The following CCNY variants were observed in gnomAD, a reference collection of about 807,000 sequenced individuals.
CCNY encodes cyclin Y.
A neutral mutation model predicts 42.8 loss-of-function variants in CCNY; 19 were observed. The ratio of observed to expected loss-of-function variants is 0.44; its 90% CI spans 0.31 to 0.65. The LOEUF is 0.65. Among genes scored for constraint, CCNY ranks in the 30% least tolerant of loss-of-function variants. CCNY has a pLI of 0.07. For missense variants in CCNY, 370 were observed against 437.3 expected, an observed-to-expected ratio of 0.85 and a Z score of 1.37; for synonymous variants, 165 against 162.7, an observed-to-expected ratio of 1.01 and a Z score of -0.11.
At position 35,530,328 on chromosome 10, in the gene CCNY, G is replaced by C; in HGVS notation, c.579+85G>C. The C allele has an allele frequency of 1.3e-6, 2 of 1,552,446 alleles. No individual in the cohort carries two copies. The highest frequency in any genetic ancestry group is 1.8e-6 in the Non-Finnish European group (2 of 1,136,918). On this transcript the variant is annotated intron_variant, in intron 7 of 9. Transcript: ENST00000374704. This position sits in a 1 kb window ranked among gnomAD's most constrained non-coding sequence, Gnocchi z 4.3. The stretch of plus-strand genomic sequence containing the variant: ...TGTTACTCAGCGGAGTGAGGTTGGA[G>C]CAGGGAATCCTCACCAGGTTACCCT...
intron 1 of CCNY, among the ~76,000 whole-genome samples, chr10:35,474,191 A>G (rs2135349962): frequency 6.6e-6 from 1 of 152,280 alleles, no homozygotes; most frequent in East Asian, 1.9e-4. Context: ...TCTGAGATCA[A>G]ACTGCAAGGC....
At chr10:35,387,210 AC>A (rs1256858099) in intron 1 of CCNY, among the ~76,000 whole-genome samples, 1 of 152,144 alleles carries the variant, frequency 6.6e-6, no homozygotes, top group African/African-American at 2.4e-5. Flanking sequence ...AAACACCAAA[AC>A]TTATGATTGA....
At chr10:35,493,195 T>C (rs1839937121) in intron 2 of CCNY, among the ~76,000 whole-genome samples, 2 of 152,316 alleles carry the variant, frequency 1.3e-5, no homozygotes, top group South Asian at 4.1e-4. Context: ...GTCAGTTTTC[T>C]CCGTACCTTT....
chr10:35,491,045 G>A (rs1839884971), intron 2 of CCNY, among the ~76,000 whole-genome samples: 1 of 152,162 alleles, frequency 6.6e-6, no homozygotes, highest in African/African-American at 2.4e-5. Context: ...GGGGTGTGTG[G>A]AGGAGGGTGG....
At chr10:35,266,203 G>A (rs1471845137) in intron 3 of CCNY, among the ~76,000 whole-genome samples, 1 of 150,092 alleles carries the variant, frequency 6.7e-6, no homozygotes. Context: ...TCAGCCTCCC[G>A]AGTAGCTGGG....
chr10:35,405,232 C>A (rs1401326097), intron 1 of CCNY, among the ~76,000 whole-genome samples: 2 of 152,090 alleles, frequency 1.3e-5, no homozygotes, highest in Non-Finnish European at 2.9e-5. Flanking sequence ...GGTTTTAATC[C>A]TTTTAAAGCA....
chr10:35,553,432 A>G (rs1841301227), intron 8 of CCNY, among the ~76,000 whole-genome samples: 1 of 152,160 alleles, frequency 6.6e-6, no homozygotes, highest in Admixed American at 6.5e-5. Flanking sequence ...GTTTACAGAA[A>G]CTATATTGTA....
At chr10:35,268,300 G>A (rs2095727699) in intron 3 of CCNY, among the ~76,000 whole-genome samples, 1 of 152,144 alleles carries the variant, frequency 6.6e-6, no homozygotes, top group Non-Finnish European at 1.5e-5. Flanking sequence ...GGTCACTTGA[G>A]GTCAGGAGTT....
intron 3 of CCNY, among the ~76,000 whole-genome samples, chr10:35,258,917 CAG>C (rs1239132390): frequency 1.4e-5 from 2 of 142,002 alleles, no homozygotes; most frequent in African/African-American, 2.7e-5. Flanking sequence ...GCCTGGGTGA[CAG>C]AGAGAGACTG....
At chr10:35,447,276 A>G (rs1838813904) in intron 1 of CCNY, among the ~76,000 whole-genome samples, 1 of 152,218 alleles carries the variant, frequency 6.6e-6, no homozygotes, top group South Asian at 2.1e-4. Flanking sequence ...GACTCCATCT[A>G]AGAAAGCTGG....
chr10:35,412,729 C>T (rs1265667020), intron 1 of CCNY, among the ~76,000 whole-genome samples: 3 of 150,300 alleles, frequency 2.0e-5, no homozygotes, highest in Admixed American at 6.6e-5. Context: ...GGTGTGGCAG[C>T]GTGTTCCTGT....
chr10:35,431,032 G>A (rs988632083), intron 1 of CCNY, among the ~76,000 whole-genome samples: 1 of 151,360 alleles, frequency 6.6e-6, no homozygotes, highest in Non-Finnish European at 1.5e-5. Flanking sequence ...TAGGAGAATC[G>A]CTTGAACCTG....
intron 1 of CCNY, among the ~76,000 whole-genome samples, chr10:35,406,205 ATTTAT>A (rs1202162653): frequency 1.9e-5 from 2 of 104,420 alleles, no homozygotes; most frequent in Non-Finnish European, 3.8e-5. Context: ...TTTTTATTTT[ATTTAT>A]TTATTTATTT....
chr10:35,284,722 C>A (rs1395260157), intron 3 of CCNY, among the ~76,000 whole-genome samples: 1 of 151,862 alleles, frequency 6.6e-6, no homozygotes, highest in African/African-American at 2.4e-5. Context: ...GATTTAAGAC[C>A]TTTTTCTTTT....
rs939773265 is a variant in CCNY, at chr10:35,538,654, GT to G, written c.579+8413del. Among the ~76,000 whole-genome samples the G allele has an allele frequency of 1.4e-4, 21 of 152,184 alleles. 1 individual carries two copies. The highest frequency in any genetic ancestry group is 4.8e-4 in the African/African-American group (20 of 41,440). ...CATTCTTTGCCCATTTTAAGAACGG[GT>G]TGTCTTTTAGTTGTTGCATTATAGG... is the stretch of plus-strand genomic sequence containing the variant. On this transcript the variant is annotated intron_variant, in intron 7 of 9. Coordinates refer to ENST00000374704, the MANE Select transcript of CCNY (RefSeq NM_145012.6).
In CCNY at chr10:35,501,633, G is replaced by T. The variant is rs1840112429; in HGVS notation, c.264+98G>T. On this transcript the variant is annotated intron_variant, in intron 3 of 9. Transcript: ENST00000374704. ...TGGATGAAAATGGCTCATGTGCTTT[G>T]TAGATACTTGGAAGAATGTTGCAGT... 3 of 1,028,720 alleles carry T rather than the reference G, an allele frequency of 2.9e-6. No homozygotes were observed. In the African/African-American group the frequency reaches 4.7e-5, roughly 16 times the overall value. The allele number at this position is 1,028,720 out of a possible 1,614,324, so 63.7% of individuals were successfully genotyped here. A position where few individuals can be genotyped will look rare whatever the true frequency, so the allele number is the denominator to read the frequency against.
intron 3 of CCNY, among the ~76,000 whole-genome samples, chr10:35,285,789 G>A (rs929892530): frequency 1.3e-5 from 2 of 149,022 alleles, no homozygotes; most frequent in African/African-American, 5.0e-5. Context: ...AAAAATTATG[G>A]ATGTGGTTGG....
At chr10:35,441,703 T>G (rs1375226239) in intron 1 of CCNY, among the ~76,000 whole-genome samples, 1 of 152,150 alleles carries the variant, frequency 6.6e-6, no homozygotes, top group Non-Finnish European at 1.5e-5. Flanking sequence ...GCTGAGATTG[T>G]GCCACTGCAC....
chr10:35,479,867 C>T (rs895049957), intron 1 of CCNY, among the ~76,000 whole-genome samples: 3 of 152,106 alleles, frequency 2.0e-5, no homozygotes, highest in African/African-American at 4.8e-5. Flanking sequence ...TTTCCTGACT[C>T]TGCAATGAGG....
Sources: allele counts gnomAD v4.1 joint callset (sites outside exome capture counted in the v4.1 genomes callset), GRCh38; gene constraint gnomAD v4.1.1; non-coding constraint Gnocchi (gnomAD v3.1); transcripts MANE v1.5; gene names NCBI Gene and HGNC (gene_info 2026-07-23, HGNC 2026-07-21).